NPHP1: variants seen among roughly 807,000 people sequenced by gnomAD.
NPHP1 encodes the protein nephrocystin 1.
Under a neutral mutation model 90.4 loss-of-function variants are expected in NPHP1, and 70 were observed. The ratio of observed to expected loss-of-function variants is 0.77; its 90% CI spans 0.64 to 0.95. The LOEUF (loss-of-function observed/expected upper bound fraction) is 0.95, where lower values mean the gene tolerates loss of function less well. Ranked by LOEUF, NPHP1 falls within the 40% of genes least tolerant of loss-of-function variation. The probability of loss-of-function intolerance (pLI) is 0.00; values close to 1 mark genes in which losing one functional copy is unlikely to be tolerated. For synonymous variants in NPHP1, 256 were observed against 271.7 expected (o/e 0.94, Z 0.57); for missense variants, 764 against 795.9 (o/e 0.96, Z 0.48).
At chr2:110,156,012 A>G (rs542422529) in intron 11 of NPHP1, among the ~76,000 whole-genome samples, 1 of 151,734 alleles carries the variant, frequency 6.6e-6, no homozygotes, top group Non-Finnish European at 1.5e-5. Context: ...AACTCCCTCA[A>G]TTCTCACATG....
intron 2 of NPHP1, chr2:110,184,183 T>A: frequency 1.8e-6 from 1 of 563,232 alleles, no homozygotes; most frequent in East Asian, 4.7e-5. Flanking sequence ...GGCCTACCCA[T>A]GCATATTCGT....
chr2:110,161,422 A>G (rs1018572237), intron 10 of NPHP1, among the ~76,000 whole-genome samples, 181 bp downstream of exon 10: 1 of 152,170 alleles, frequency 6.6e-6, no homozygotes, highest in African/African-American at 2.4e-5. Context: ...GAAACAAGAT[A>G]AAGTCAAGGT....
At chr2:110,146,071 A>T (rs1681023052) in intron 14 of NPHP1, among the ~76,000 whole-genome samples, 2 of 152,328 alleles carry the variant, frequency 1.3e-5, no homozygotes, top group East Asian at 1.9e-4. Flanking sequence ...ACATGGGTAG[A>T]GCTGGGACTG....
intron 2 of NPHP1, chr2:110,184,608 A>G (rs1217148073): frequency 2.8e-5 from 31 of 1,091,246 alleles, no homozygotes; most frequent in Non-Finnish European, 4.2e-5. Flanking sequence ...GCGAATTGAC[A>G]TCGCAAGCTG....
At chr2:110,139,228 CA>C (rs1680451952) in intron 16 of NPHP1, among the ~76,000 whole-genome samples, 1 of 151,966 alleles carries the variant, frequency 6.6e-6, no homozygotes, top group Non-Finnish European at 1.5e-5. Context: ...CACACACACA[CA>C]CACGCAACCT....
rs2104483874 is a variant in NPHP1 at position 110,144,538 on chromosome 2, G to A, written c.1384C>T (p.Pro462Ser). The change falls in exon 15 of 20, where the codon CCT (proline) becomes TCT (serine). Residue 462 changes from proline to serine, a missense_variant. Physicochemically the swap from Pro to Ser is moderately conservative, Grantham distance 74 (BLOSUM62 -1). Coordinates refer to ENST00000445609, the MANE Select transcript of NPHP1 (RefSeq NM_001128178.3). ...TYELFLNGGT[P>S]YEKGIEVDPS... ...TCCACTTCAATACCTTTTTCATAAG[G>A]AGTACCACCATTCAAGAAAAGCTCA... 5 of 1,605,376 alleles carry A rather than the reference G, an allele frequency of 3.1e-6. No individual in the cohort carries two copies. The highest frequency in any genetic ancestry group is 4.3e-6 in the Non-Finnish European group (5 of 1,172,310).
chr2:110,161,598 C>T lies in NPHP1; in HGVS notation c.954+5G>A, dbSNP rs1242271896. 6.3e-7 allele frequency: 1 copy of T among 1,581,662 alleles called. No individual in the cohort carries two copies. Among genetic ancestry groups the T allele is most frequent in the Admixed American group, 1.7e-5 (1 of 59,934 alleles). On this transcript the variant is annotated splice_donor_5th_base_variant and intron_variant, in intron 10 of 19. Coordinates refer to ENST00000445609, the MANE Select transcript of NPHP1 (RefSeq NM_001128178.3). Reference sequence around the variant, plus strand: ...TACACTTTTACTGATAGTAACTATACTTACAGTGCCTTCTGTAGCATCCCA... The same window carrying T: ...TACACTTTTACTGATAGTAACTATATTTACAGTGCCTTCTGTAGCATCCCA...
intron 11 of NPHP1, 90 bp from the exon 12 acceptor site, chr2:110,150,346 C>T (rs1468432849): frequency 1.7e-6 from 2 of 1,166,596 alleles, no homozygotes; most frequent in Non-Finnish European, 2.6e-6. Flanking sequence ...AGTGGCTACA[C>T]TAAGTGAGGA....
Position 110,164,379 on chromosome 2 carries a change from A to G in NPHP1, c.771+309T>C, listed in dbSNP as rs1259256290. ...TAAAGGCTTTCAGGATTTTTCGAAT[A>G]GTAAATAAAATTTAACATCTGTTTC... On this transcript the variant is annotated intron_variant, in intron 8 of 19. Coordinates refer to ENST00000445609, the MANE Select transcript of NPHP1 (RefSeq NM_001128178.3). The G allele has an allele frequency of 4.5e-6, 3 of 661,564 alleles. 1 individual carries two copies. The South Asian group carries it at 5.3e-5, about 12-fold the overall frequency. The allele number at this position is 661,564 out of a possible 1,614,324, so 41.0% of individuals were successfully genotyped here. A position where few individuals can be genotyped will look rare whatever the true frequency, so the allele number is the denominator to read the frequency against.
chr2:110,139,229 ACACG>A lies in NPHP1; in HGVS notation c.1529+4309_1529+4312del, dbSNP rs957215598. 1.4e-4 allele frequency among the ~76,000 whole-genome samples: 21 copies of A among 149,230 alleles called. No homozygotes were observed. The East Asian group carries it at 2.0e-3, about 14-fold the overall frequency. ...TACACACACACACACACACACACAC[ACACG>A]CAACCTACTTCTCCAGATCAGGGTT... On this transcript the variant is annotated intron_variant, in intron 16 of 19. Transcript: ENST00000445609.
intron 19 of NPHP1, chr2:110,124,388 T>C (rs1485427826): frequency 3.0e-5 from 12 of 401,364 alleles, no homozygotes; most frequent in African/African-American, 6.0e-5. Flanking sequence ...CCAGTGTGGT[T>C]AGGGGTAAAT....
rs751241144 is a variant in NPHP1 at position 110,131,745 on chromosome 2, A to G, written c.1576T>C (p.Leu526=). Residue 526 remains leucine (L), a synonymous_variant, in exon 17 of 20, where the codon TTG becomes CTG. Coordinates refer to ENST00000445609, the MANE Select transcript of NPHP1 (RefSeq NM_001128178.3). ...CCAAGAATTTGTCGATAAAATATCA[A>G]CAAGTGAATAGAACACATATTTCCA... ...LIGNMCSIHL[L]IFYRQILGDV... 1.9e-6 allele frequency: 3 copies of G among 1,613,094 alleles called. No homozygotes were observed. The South Asian group carries it at 3.3e-5, about 18-fold the overall frequency.
At chr2:110,125,527 G>C in intron 19 of NPHP1, 110 bp downstream of exon 19, 1 of 1,205,422 alleles carries the variant, frequency 8.3e-7, no homozygotes, top group Non-Finnish European at 1.2e-6. Flanking sequence ...CCCTGGTTAA[G>C]AGGGATTATG....
chr2:110,147,851 G>C, intron 13 of NPHP1, 65 bp downstream of exon 13: 3 of 923,780 alleles, frequency 3.2e-6, no homozygotes, highest in Non-Finnish European at 5.4e-6. Context: ...CTTGTCAATA[G>C]ACACATTTTT....
chr2:110,131,733 G>A lies in NPHP1; in HGVS notation c.1588C>T (p.Arg530Ter), dbSNP rs547352656. 1.6e-5 allele frequency: 26 copies of A among 1,613,240 alleles called. No homozygotes were observed. Among genetic ancestry groups the A allele is most frequent in the East Asian group, 2.2e-5 (1 of 44,842 alleles). Residue 530 changes from arginine to a stop codon, truncating the protein, a stop_gained, in exon 17 of 20, where the codon CGA (arginine) becomes TGA (stop). Transcript: ENST00000445609. LOFTEE classifies it high-confidence loss of function. ...AGGAGCACATCTCCAAGAATTTGTC[G>A]ATAAAATATCAACAAGTGAATAGAA... ...MCSIHLLIFY[R>*]QILGDVLLKD... is the part of the protein sequence containing the mutation.
At position 110,184,416 on chromosome 2, in the gene NPHP1, C is replaced by A. The variant is rs562360547; in HGVS notation, c.144-4732G>T. 303 of 632,212 alleles carry A rather than the reference C, an allele frequency of 4.8e-4. 2 individuals are homozygous for A. In the South Asian group the frequency reaches 5.1e-3, roughly 11 times the overall value. 39.2% of individuals were successfully genotyped at this position (632,212 alleles called of 1,614,324 possible). A position where few individuals can be genotyped will look rare whatever the true frequency, so the allele number is the denominator to read the frequency against. On this transcript the variant is annotated intron_variant, in intron 2 of 19. Coordinates refer to ENST00000445609, the MANE Select transcript of NPHP1 (RefSeq NM_001128178.3). ...GGCACCTTTAAACCCACAAAGACAC[C>A]AGGAATGAGCTGCCAACGTTTTCTT... is the stretch of plus-strand genomic sequence containing the variant.
At chr2:110,144,866 T>G (rs770972541) in intron 14 of NPHP1, among the ~76,000 whole-genome samples, 2 of 152,176 alleles carry the variant, frequency 1.3e-5, no homozygotes, top group African/African-American at 2.4e-5. Context: ...GTTCAGACCT[T>G]AATGACTTAC....
chr2:110,164,040 CT>C (rs942098740), intron 8 of NPHP1: 429 of 147,586 alleles, frequency 2.9e-3, no homozygotes, highest in Admixed American at 4.5e-3. Flanking sequence ...TAATTAATTA[CT>C]TTTTTTTTTT....
rs770859774 is a variant in NPHP1, at chr2:110,123,911, T to C, written c.1914A>G (p.Gln638=). The C allele has an allele frequency of 6.2e-7, 1 of 1,614,128 alleles. No individual in the cohort carries two copies. The highest frequency in any genetic ancestry group is 1.7e-5 in the Admixed American group (1 of 60,020). The change falls in exon 20 of 20, where the codon CAA becomes CAG. Residue 638 remains glutamine, a synonymous_variant. Transcript: ENST00000445609. ...GGAGGGCGCCCTGGTTTTCTTGGTT[T>C]TGCTTAAGGAAGTCAGTGATAACTT... ...RWKVITDFLK[Q]NQENQGALQA...
Sources: gnomAD v4.1 joint callset for allele counts (sites outside exome capture counted in the v4.1 genomes callset) on GRCh38, gnomAD v4.1.1 for gene constraint, MANE v1.5 for transcripts, NCBI Gene and HGNC (gene_info 2026-07-23, HGNC 2026-07-21) for gene names.